Variants in JMJD1C observed in about 807,000 individuals in gnomAD.
JMJD1C encodes jumonji domain containing 1C.
In JMJD1C, 31 loss-of-function variants were observed where a neutral mutation model predicts 245.3. The observed-to-expected ratio is 0.13, with a 90% CI of 0.09 to 0.17. The LOEUF is 0.17. Ranked by LOEUF, JMJD1C falls within the 10% of genes least tolerant of loss-of-function variation. JMJD1C has a pLI of 1.00. For synonymous variants in JMJD1C, 1,057 were observed against 1,017.4 expected, an observed-to-expected ratio of 1.04 and a Z score of -0.74; for missense variants, 2,691 against 3,000.2, an observed-to-expected ratio of 0.90 and a Z score of 2.41.
At chr10:63,419,023 G>A (rs906174466) in intron 1 of JMJD1C, among the ~76,000 whole-genome samples, 112 of 145,974 alleles carry the variant, frequency 7.7e-4, no homozygotes, top group Admixed American at 2.1e-3. Context: ...GTGGCAGTGA[G>A]CCAAGATCAC....
At chr10:63,248,567 T>TAAATA in intron 3 of JMJD1C, among the ~76,000 whole-genome samples, 1 of 151,290 alleles carries the variant, frequency 6.6e-6, no homozygotes, top group Non-Finnish European at 1.5e-5. Flanking sequence ...AATAAATAAA[T>TAAATA]GACAGGGAAT....
intron 1 of JMJD1C, among the ~76,000 whole-genome samples, chr10:63,513,711 G>A (rs1384770847): frequency 1.3e-5 from 2 of 152,120 alleles, no homozygotes; most frequent in African/African-American, 2.4e-5. Flanking sequence ...AGGAGATCGA[G>A]ACCATCCTGG....
chr10:63,475,811 C>G (rs988261031), intron 1 of JMJD1C, among the ~76,000 whole-genome samples: 6 of 152,204 alleles, frequency 3.9e-5, no homozygotes, highest in African/African-American at 1.2e-4. Flanking sequence ...CTCTGAAGTT[C>G]AGGTGCGCAG....
chr10:63,346,519 C>T (rs997185707), intron 2 of JMJD1C, among the ~76,000 whole-genome samples: 1 of 152,240 alleles, frequency 6.6e-6, no homozygotes, highest in African/African-American at 2.4e-5. Context: ...ACTTCAACCA[C>T]TCATGAATAA....
At chr10:63,224,886 A>AC (rs1036923837) in intron 3 of JMJD1C, among the ~76,000 whole-genome samples, 4 of 151,952 alleles carry the variant, frequency 2.6e-5, no homozygotes, top group Admixed American at 2.0e-4. Flanking sequence ...ACATGGTGAA[A>AC]CCCCATCTCT....
At chr10:63,284,477 G>C (rs1857747909) in intron 2 of JMJD1C, among the ~76,000 whole-genome samples, 1 of 152,126 alleles carries the variant, frequency 6.6e-6, no homozygotes, top group Admixed American at 6.6e-5. Context: ...AGAACCAGTG[G>C]TTCTCAAAGG....
chr10:63,521,620 G>A (rs1017756664), intron 1 of JMJD1C: 65 of 1,355,468 alleles, frequency 4.8e-5, no homozygotes, highest in Non-Finnish European at 5.9e-5. Context: ...GCGAGGCCCA[G>A]GGGAGCTGTG....
chr10:63,168,649 C>A (rs1842063671), intron 24 of JMJD1C, 83 bp from the exon 25 acceptor site: 3 of 1,246,472 alleles, frequency 2.4e-6, no homozygotes, highest in Non-Finnish European at 2.1e-6. Flanking sequence ...CCAATAAACA[C>A]AAGAGACAAT....
At chr10:63,438,004 T>C (rs1051849296) in intron 1 of JMJD1C, among the ~76,000 whole-genome samples, 30 of 152,294 alleles carry the variant, frequency 2.0e-4, no homozygotes, top group Middle Eastern at 6.8e-3. Context: ...CATCAACTCA[T>C]TCAGTCTGAT....
At chr10:63,487,852 ATCGTT>A (rs1458884096) in intron 1 of JMJD1C, among the ~76,000 whole-genome samples, 42 of 152,332 alleles carry the variant, frequency 2.8e-4, no homozygotes, top group Admixed American at 2.2e-3. Context: ...AGAAGAAACT[ATCGTT>A]TACTGTGAAG....
chr10:63,493,924 CA>C (rs917084097), intron 1 of JMJD1C, among the ~76,000 whole-genome samples: 2 of 152,098 alleles, frequency 1.3e-5, no homozygotes, highest in Non-Finnish European at 2.9e-5. Context: ...AAAATAAAAA[CA>C]AAGAGAGAGA....
chr10:63,377,225 G>A (rs1425926797), intron 2 of JMJD1C, among the ~76,000 whole-genome samples: 1 of 152,168 alleles, frequency 6.6e-6, no homozygotes, highest in African/African-American at 2.4e-5. Flanking sequence ...ACCGAAAGTA[G>A]AATGGTGGGC....
intron 11 of JMJD1C, among the ~76,000 whole-genome samples, chr10:63,200,122 T>C (rs1011012954): frequency 2.6e-5 from 4 of 152,188 alleles, no homozygotes; most frequent in African/African-American, 9.7e-5. Flanking sequence ...AGTTGAACTC[T>C]TGCAAGTCTA....
chr10:63,191,928 G>C (rs1320010458), intron 16 of JMJD1C, among the ~76,000 whole-genome samples: 2 of 136,976 alleles, frequency 1.5e-5, no homozygotes, highest in Non-Finnish European at 3.1e-5. Context: ...AGGTTGCAGT[G>C]AGCCGAGATC....
intron 1 of JMJD1C, among the ~76,000 whole-genome samples, chr10:63,474,356 GAA>G (rs1300066720): frequency 3.3e-5 from 5 of 152,102 alleles, no homozygotes; most frequent in Non-Finnish European, 4.4e-5. Flanking sequence ...CAGCCGTGAA[GAA>G]AAGTGTTTTA....
At chr10:63,224,275 T>A (rs1848984547) in intron 3 of JMJD1C, among the ~76,000 whole-genome samples, 1 of 152,214 alleles carries the variant, frequency 6.6e-6, no homozygotes, top group African/African-American at 2.4e-5. Flanking sequence ...TTCCCTCTTT[T>A]TCTATCTTAA....
intron 2 of JMJD1C, among the ~76,000 whole-genome samples, chr10:63,292,144 A>ATTTTTTTGTTTTTTTTT (rs1858839592): frequency 1.8e-5 from 1 of 56,326 alleles, no homozygotes; most frequent in African/African-American, 7.4e-5. Context: ...GTAGAGACAG[A>ATTTTTTTGTTTTTTTTT]TTTTTTTTTT....
chr10:63,295,954 CGTATATGTGTGTGT>C (rs1859334353), intron 2 of JMJD1C, among the ~76,000 whole-genome samples: 1 of 28,414 alleles, frequency 3.5e-5, no homozygotes, highest in African/African-American at 1.2e-4. Context: ...TATATATACA[CGTATATGTGTGTGT>C]GTGTGTGTGT....
chr10:63,439,521 G>A (rs915050444), intron 1 of JMJD1C, among the ~76,000 whole-genome samples: 2 of 151,988 alleles, frequency 1.3e-5, no homozygotes, highest in African/African-American at 4.8e-5. Flanking sequence ...CTCCACACAA[G>A]TAACAAATTT....
Sources: allele counts gnomAD v4.1 joint callset (sites outside exome capture counted in the v4.1 genomes callset), GRCh38; gene constraint gnomAD v4.1.1; transcripts MANE v1.5; gene names NCBI Gene and HGNC (gene_info 2026-07-23, HGNC 2026-07-21).